MALT1: variants seen among roughly 807,000 people sequenced by gnomAD.
MALT1 encodes MALT1 paracaspase, also known as mucosa-associated lymphoid tissue lymphoma translocation protein 1.
Under a neutral mutation model 85.5 loss-of-function variants are expected in MALT1, and 36 were observed. The observed-to-expected ratio is 0.42, with a 90% CI of 0.32 to 0.56. MALT1 has a LOEUF of 0.56. Ranked by LOEUF, MALT1 falls within the 20% of genes least tolerant of loss-of-function variation. MALT1 has a pLI of 0.10. For missense variants in MALT1, 716 were observed against 981.6 expected (o/e 0.73, Z 3.62); for synonymous variants, 359 against 361.3 (o/e 0.99, Z 0.07).
At chr18:58,680,019 A>G (rs1038928577) in intron 1 of MALT1, among the ~76,000 whole-genome samples, 3 of 151,372 alleles carry the variant, frequency 2.0e-5, no homozygotes, top group African/African-American at 7.2e-5. Context: ...CAGCATCTCT[A>G]TTAAAAAAAA....
intron 7 of MALT1, among the ~76,000 whole-genome samples, chr18:58,713,479 A>G (rs1186176014): frequency 1.3e-5 from 2 of 151,898 alleles, no homozygotes; most frequent in African/African-American, 4.8e-5. Context: ...CAGTGTCATC[A>G]CAGACAAGGA....
At chr18:58,707,184 T>C (rs2054763636) in intron 4 of MALT1, among the ~76,000 whole-genome samples, 1 of 152,062 alleles carries the variant, frequency 6.6e-6, no homozygotes, top group Non-Finnish European at 1.5e-5. Context: ...GTTATTTCCA[T>C]TTGGCTCTTT....
At chr18:58,746,336 A>T (rs184891982) in intron 16 of MALT1, among the ~76,000 whole-genome samples, 16 of 152,336 alleles carry the variant, frequency 1.1e-4, no homozygotes, top group African/African-American at 3.6e-4. Context: ...CTACTTTTAA[A>T]TATGTTCAGA....
intron 12 of MALT1, among the ~76,000 whole-genome samples, chr18:58,734,995 C>T (rs946316363): frequency 1.3e-5 from 2 of 152,102 alleles, no homozygotes; most frequent in African/African-American, 4.8e-5. Context: ...TCACATATCA[C>T]CTCAAATACT....
intron 3 of MALT1, among the ~76,000 whole-genome samples, chr18:58,696,808 T>G (rs2054597220): frequency 6.6e-6 from 1 of 152,214 alleles, no homozygotes; most frequent in African/African-American, 2.4e-5. Context: ...CACAACAGAT[T>G]ATGTTCCAAC....
Position 58,709,996 on chromosome 18 carries a change from A to G in MALT1, c.849A>G (p.Glu283=). The G allele has an allele frequency of 6.2e-7, 1 of 1,610,330 alleles. No homozygotes were observed. The highest frequency in any genetic ancestry group is 8.5e-7 in the Non-Finnish European group (1 of 1,177,682). Residue 283 remains glutamate (E), a synonymous_variant, in exon 6 of 17, where the codon GAA becomes GAG. Coordinates refer to ENST00000649217, the MANE Select transcript of MALT1 (RefSeq NM_006785.4). The stretch of plus-strand genomic sequence containing the variant: ...TATAGGTGCCTTATGTGGATTTGGA[A>G]CACCAAGGAACCTACTGGTGTCATG... ...KLYMVPYVDL[E]HQGTYWCHVY... is the part of the protein sequence containing the mutation.
chr18:58,701,962 A>G (rs556029489), intron 4 of MALT1, among the ~76,000 whole-genome samples: 1 of 152,318 alleles, frequency 6.6e-6, no homozygotes, highest in Non-Finnish European at 1.5e-5. Context: ...GTAGAGACGG[A>G]AATATTTCCA....
chr18:58,720,173 C>T (rs746004149), intron 9 of MALT1, among the ~76,000 whole-genome samples: 8 of 152,174 alleles, frequency 5.3e-5, no homozygotes, highest in African/African-American at 1.2e-4. Flanking sequence ...TTGTGGGTAG[C>T]TCTTACAGTA....
chr18:58,698,741 T>C (rs2054629966), intron 3 of MALT1, among the ~76,000 whole-genome samples: 1 of 152,208 alleles, frequency 6.6e-6, no homozygotes, highest in African/African-American at 2.4e-5. Flanking sequence ...GGTTAAGTTA[T>C]GTAGCTAATT....
rs528695601 is a variant in MALT1 at position 58,688,403 on chromosome 18, C to T, written c.376+7067C>T. Among the ~76,000 whole-genome samples, 11 of 151,716 alleles carry T rather than the reference C, an allele frequency of 7.3e-5. No homozygotes were observed. In the East Asian group the frequency reaches 2.1e-3, roughly 29 times the overall value. ...AGATGTACATTAAAAGCTACTTTGT[C>T]TTGGCCAGGCACAGTGGCTCACACG... is the stretch of plus-strand genomic sequence containing the variant. On this transcript the variant is annotated intron_variant, in intron 2 of 16. Transcript: ENST00000649217.
intron 2 of MALT1, among the ~76,000 whole-genome samples, chr18:58,684,426 T>C (rs2144318445): frequency 6.8e-6 from 1 of 147,414 alleles, no homozygotes; most frequent in African/African-American, 2.5e-5. Flanking sequence ...ATATGCATAA[T>C]CTAAGATTTA....
At chr18:58,734,799 G>T (rs958474663) in intron 12 of MALT1, among the ~76,000 whole-genome samples, 1 of 152,202 alleles carries the variant, frequency 6.6e-6, no homozygotes, top group Non-Finnish European at 1.5e-5. Flanking sequence ...GTGAGAGGCA[G>T]AAGAGAAAAT....
intron 14 of MALT1, 47 bp from the exon 15 acceptor site, chr18:58,744,288 CTCT>C: frequency 1.5e-6 from 2 of 1,311,018 alleles, no homozygotes; most frequent in Non-Finnish European, 2.1e-6. Flanking sequence ...AAATATTTGC[CTCT>C]TATCATCAGA....
intron 13 of MALT1, among the ~76,000 whole-genome samples, chr18:58,736,024 A>G (rs1396184904): frequency 6.6e-6 from 1 of 152,204 alleles, no homozygotes; most frequent in African/African-American, 2.4e-5. Context: ...ATGGTGGCTC[A>G]AGCCTGTAAT....
At chr18:58,706,847 C>T (rs771394658) in intron 4 of MALT1, among the ~76,000 whole-genome samples, 4 of 152,030 alleles carry the variant, frequency 2.6e-5, no homozygotes, top group Non-Finnish European at 5.9e-5. Flanking sequence ...ATAATTGCTC[C>T]CTTGAATTTT....
intron 4 of MALT1, among the ~76,000 whole-genome samples, chr18:58,703,055 G>A (rs1187165304): frequency 6.6e-6 from 1 of 152,126 alleles, no homozygotes; most frequent in East Asian, 1.9e-4. Context: ...ATGACGTTAA[G>A]GTTGTTGAGA....
chr18:58,681,179 C>G lies in MALT1; in HGVS notation c.219C>G (p.Asp73Glu), dbSNP rs111255512. ...TTTCTGTTGCTTTCAGTTGCCTAGA[C>G]CTGGAGCAGTGTTCTCTTAAGGTAC... Reference protein sequence around the residue: ...SRGRLRLSCLDLEQCSLKVLE... With the variant: ...SRGRLRLSCLELEQCSLKVLE... Residue 73 changes from aspartate to glutamate, a missense_variant, in exon 2 of 17, where the codon GAC becomes GAG. Asp to Glu is a conservative substitution (Grantham distance 45, BLOSUM62 2). Coordinates refer to ENST00000649217, the MANE Select transcript of MALT1 (RefSeq NM_006785.4). 758 of 1,613,464 alleles carry G rather than the reference C, an allele frequency of 4.7e-4. 5 individuals are homozygous for G. In the African/African-American group the frequency reaches 8.7e-3, roughly 19 times the overall value.
intron 4 of MALT1, among the ~76,000 whole-genome samples, chr18:58,704,884 A>C (rs572920361): frequency 6.4e-4 from 98 of 152,306 alleles, no homozygotes; most frequent in Non-Finnish European, 1.2e-3. Flanking sequence ...TCTAGAAAAA[A>C]GTCTCTTTCA....
intron 14 of MALT1, among the ~76,000 whole-genome samples, chr18:58,743,330 C>G (rs1435261796): frequency 6.6e-6 from 1 of 152,086 alleles, no homozygotes; most frequent in Non-Finnish European, 1.5e-5. Context: ...AAGCTGAGGT[C>G]ACGCCATTGC....
Sources: gnomAD v4.1 joint callset for allele counts (sites outside exome capture counted in the v4.1 genomes callset) on GRCh38, gnomAD v4.1.1 for gene constraint, MANE v1.5 for transcripts, NCBI Gene and HGNC (gene_info 2026-07-23, HGNC 2026-07-21) for gene names.